Variants in PTBP3 observed in about 807,000 individuals in gnomAD.
The protein encoded by PTBP3 is polypyrimidine tract-binding protein 3.
In PTBP3, 20 loss-of-function variants were observed where a neutral mutation model predicts 58.7. The ratio of observed to expected loss-of-function variants is 0.34; its 90% CI spans 0.24 to 0.50. The LOEUF (loss-of-function observed/expected upper bound fraction) is 0.50. Among genes scored for constraint, PTBP3 ranks in the 20% least tolerant of loss-of-function variants. The pLI is 0.98. For missense variants in PTBP3, 509 were observed against 637.2 expected, an observed-to-expected ratio of 0.80 and a Z score of 2.17; for synonymous variants, 185 against 219.8, an observed-to-expected ratio of 0.84 and a Z score of 1.40.
rs1834728799 is a variant in PTBP3, at chr9:112,219,366, TA to T, written c.*4484del. On this transcript the variant is annotated 3_prime_UTR_variant, in exon 14 of 14. Transcript: ENST00000374257. Reference sequence around the variant, plus strand: ...CTATTTAAATATTTGTTATTACAACTACTACATAGATCCAAGAAGTGAAAAT... The same window carrying T: ...CTATTTAAATATTTGTTATTACAACTCTACATAGATCCAAGAAGTGAAAAT... 6.6e-6 allele frequency: 1 copy of T among 152,418 alleles called. No individual in the cohort carries two copies. The highest frequency in any genetic ancestry group is 2.1e-4 in the South Asian group (1 of 4,830). The allele number at this position is 152,418 out of a possible 1,614,324, so 9.4% of individuals were successfully genotyped here. A position where few individuals can be genotyped will look rare whatever the true frequency, so the allele number is the denominator to read the frequency against.
At position 112,232,255 on chromosome 9, in the gene PTBP3, A is replaced by G. The variant is rs1382830449; in HGVS notation, c.881-17T>C. The G allele has an allele frequency of 6.4e-7, 1 of 1,570,000 alleles. No individual in the cohort carries two copies. Among genetic ancestry groups the G allele is most frequent in the African/African-American group, 1.4e-5 (1 of 73,044 alleles). ...CTGATAGACCTTTTAAAAATACCAA[A>G]AGCATTTCATATTCTAATTATTTGA... is the stretch of plus-strand genomic sequence containing the variant. On this transcript the variant is annotated splice_polypyrimidine_tract_variant and intron_variant, in intron 8 of 13. Coordinates refer to ENST00000374257, the MANE Select transcript of PTBP3 (RefSeq NM_001163788.4).
chr9:112,332,961 G>A, intron 1 of PTBP3: 2 of 1,437,064 alleles, frequency 1.4e-6, no homozygotes, highest in Non-Finnish European at 1.8e-6. Flanking sequence ...ACCATGGCTT[G>A]CGACCAGGTC....
chr9:112,224,849 C>T (rs1834922373), intron 12 of PTBP3, among the ~76,000 whole-genome samples: 1 of 152,198 alleles, frequency 6.6e-6, no homozygotes, highest in African/African-American at 2.4e-5. Flanking sequence ...CGTGAAGACA[C>T]TATGGAGAAG....
chr9:112,237,896 C>T (rs541682628), intron 7 of PTBP3, among the ~76,000 whole-genome samples: 3 of 152,172 alleles, frequency 2.0e-5, no homozygotes, highest in African/African-American at 7.2e-5. Flanking sequence ...CAAAAGGAAG[C>T]TTTCACAAAA....
chr9:112,356,333 G>A, the PTBP3 span, among the ~76,000 whole-genome samples: 10 of 151,952 alleles, frequency 6.6e-5, no homozygotes, highest in African/African-American at 2.2e-4. Flanking sequence ...TTCCACATAC[G>A]TCTCATAAGC....
the PTBP3 span, among the ~76,000 whole-genome samples, chr9:112,369,321 G>A: frequency 3.7e-4 from 56 of 152,314 alleles, 1 homozygote; most frequent in African/African-American, 1.3e-3. Flanking sequence ...CTCAACATCA[G>A]CCTGTGAAAG....
the PTBP3 span, among the ~76,000 whole-genome samples, chr9:112,346,390 C>T: frequency 6.6e-6 from 1 of 152,068 alleles, no homozygotes; most frequent in Admixed American, 6.5e-5. Flanking sequence ...GAGTCTCGAA[C>T]TCCTGACCTC....
In PTBP3 at chr9:112,224,187, A is replaced by G; in HGVS notation, c.1388T>C (p.Leu463Pro). The G allele has an allele frequency of 6.4e-7, 1 of 1,560,470 alleles. No individual in the cohort carries two copies. The highest frequency in any genetic ancestry group is 8.6e-7 in the Non-Finnish European group (1 of 1,161,234). ...TCCAGCTTCTATGAAAAGGTTCTTCAGATCATCCACTGTAACAGAAGGGCT... is the reference window on the plus strand; with the variant it reads ...TCCAGCTTCTATGAAAAGGTTCTTCGGATCATCCACTGTAACAGAAGGGCT... ...NIPPSVTVDD[L>P]KNLFIEAGCS... Residue 463 changes from leucine (L) to proline (P), a missense_variant, in exon 13 of 14, where the codon CTG becomes CCG. By Grantham distance (98) the Leu-to-Pro change is moderately conservative. Around this residue, in one of 4 missense-constraint regions of PTBP3, gnomAD observed 135 missense variants for 229.0 expected, o/e 0.59. Transcript: ENST00000374257.
At chr9:112,274,089 T>C (rs775507421) in intron 3 of PTBP3, among the ~76,000 whole-genome samples, 17 of 152,236 alleles carry the variant, frequency 1.1e-4, no homozygotes, top group Middle Eastern at 3.4e-3. Context: ...AAAATAACGA[T>C]CTAACTGGCA....
intron 1 of PTBP3, among the ~76,000 whole-genome samples, chr9:112,331,638 T>C (rs1830382823): frequency 6.6e-6 from 1 of 152,262 alleles, no homozygotes; most frequent in East Asian, 1.9e-4. Flanking sequence ...TGTAACACTA[T>C]GGTTATTGGT....
At chr9:112,353,536 G>A in the PTBP3 span, among the ~76,000 whole-genome samples, 30 of 151,160 alleles carry the variant, frequency 2.0e-4, no homozygotes, top group Non-Finnish European at 3.4e-4. Context: ...GTGAGCCACC[G>A]CGCCTGGCCT....
chr9:112,305,824 C>A (rs1439277889), intron 1 of PTBP3, among the ~76,000 whole-genome samples: 1 of 152,130 alleles, frequency 6.6e-6, no homozygotes. Context: ...CCTGTAGTTC[C>A]AGCTACTCGG....
At chr9:112,301,577 T>A (rs1230447791) in intron 1 of PTBP3, among the ~76,000 whole-genome samples, 1 of 152,114 alleles carries the variant, frequency 6.6e-6, no homozygotes, top group Non-Finnish European at 1.5e-5. Flanking sequence ...GAAAACAGAT[T>A]AGTGGTTGCC....
Position 112,226,028 on chromosome 9 carries a change from AG to A in PTBP3, c.1364+1382del, listed in dbSNP as rs1331691557. ...CACTGCACTACAGCCTGGGCAACAGAGGGAGACCCTGTCTCAAAAAAAAATA... is the reference window on the plus strand; with the variant it reads ...CACTGCACTACAGCCTGGGCAACAGAGGAGACCCTGTCTCAAAAAAAAATA... On this transcript the variant is annotated intron_variant, in intron 12 of 13. Coordinates refer to ENST00000374257, the MANE Select transcript of PTBP3 (RefSeq NM_001163788.4). Among the ~76,000 whole-genome samples, 8 of 152,242 alleles carry A rather than the reference AG, an allele frequency of 5.3e-5. No homozygotes were observed. The East Asian group carries it at 1.5e-3, about 29-fold the overall frequency.
Position 112,232,221 on chromosome 9 carries a change from C to G in PTBP3, c.898G>C (p.Val300Leu). 1 of 1,605,638 alleles carries G rather than the reference C, an allele frequency of 6.2e-7. No homozygotes were observed. The highest frequency in any genetic ancestry group is 1.1e-5 in the South Asian group (1 of 89,876). Residue 300 changes from valine (V) to leucine (L), a missense_variant, in exon 9 of 14, where the codon GTT becomes CTT. Transcript: ENST00000374257. Reference protein sequence around the residue: ...PQATGLSVPAVPGALGPLTIT... With the variant: ...PQATGLSVPALPGALGPLTIT... ...GTGAGAGGACCAAGAGCTCCAGGAA[C>G]AGCTGGAACTGATAGACCTTTTAAA... is the stretch of plus-strand genomic sequence containing the variant.
At chr9:112,327,555 C>A (rs1830208128) in intron 1 of PTBP3, among the ~76,000 whole-genome samples, 1 of 151,866 alleles carries the variant, frequency 6.6e-6, no homozygotes, top group African/African-American at 2.4e-5. Context: ...AGGGAGACCA[C>A]CGTCTCAAAA....
At chr9:112,260,976 A>G (rs1010845802) in intron 5 of PTBP3, among the ~76,000 whole-genome samples, 1 of 152,234 alleles carries the variant, frequency 6.6e-6, no homozygotes, top group Non-Finnish European at 1.5e-5. Flanking sequence ...ACATGACTGT[A>G]GCTAAACTTG....
intron 2 of PTBP3, 150 bp downstream of exon 2, chr9:112,297,682 G>A: frequency 2.2e-6 from 1 of 463,220 alleles, no homozygotes; most frequent in Admixed American, 4.1e-5. Context: ...TTTCACCTAT[G>A]TAAACAGTAT....
At chr9:112,359,906 AAATT>A in the PTBP3 span, among the ~76,000 whole-genome samples, 1 of 152,246 alleles carries the variant, frequency 6.6e-6, no homozygotes, top group African/African-American at 2.4e-5. Flanking sequence ...AAAACTATAA[AAATT>A]AATGTAAAGA....
Sources: allele counts gnomAD v4.1 joint callset (sites outside exome capture counted in the v4.1 genomes callset), GRCh38; gene constraint gnomAD v4.1.1; regional missense constraint gnomAD v4.1.1; transcripts MANE v1.5; gene names NCBI Gene and HGNC (gene_info 2026-07-23, HGNC 2026-07-21).